Variants in ALX3 observed in about 807,000 individuals in gnomAD.
The protein encoded by ALX3 is homeobox protein aristaless-like 3.
ALX3 carries 17 observed loss-of-function variants against 26.3 expected under a neutral mutation model. That is an observed-to-expected ratio of 0.65 (90% CI 0.44 to 0.97). ALX3 has a LOEUF of 0.97. Among genes scored for constraint, ALX3 ranks in the 50% least tolerant of loss-of-function variants. The probability of loss-of-function intolerance (pLI) is 0.00; values close to 1 mark genes in which losing one functional copy is unlikely to be tolerated. For synonymous variants in ALX3, 208 were observed against 201.4 expected, an observed-to-expected ratio of 1.03 and a Z score of -0.28; for missense variants, 461 against 466.5, an observed-to-expected ratio of 0.99 and a Z score of 0.11.
At chr1:110,067,188 A>G (rs1479514651) in intron 1 of ALX3, among the ~76,000 whole-genome samples, 1 of 152,206 alleles carries the variant, frequency 6.6e-6, no homozygotes, top group Non-Finnish European at 1.5e-5. Flanking sequence ...GGACAAATGG[A>G]AGGCAGAAGC....
Position 110,070,476 on chromosome 1 carries a change from G to T in ALX3, c.137C>A (p.Pro46Gln). Reference sequence around the variant, plus strand: ...GCAGGCCGGAAAGCGGGTCAGCCGCGGGCCGCGGGGCGGCGCGGGGTGCAG... The same window carrying T: ...GCAGGCCGGAAAGCGGGTCAGCCGCTGGCCGCGGGGCGGCGCGGGGTGCAG... ...PHLHPAPPRG[P>Q]RLTRFPACGP... Residue 46 changes from proline to glutamine, a missense_variant, in exon 1 of 4, where the codon CCG becomes CAG. Physicochemically the swap from Pro to Gln is moderately conservative, Grantham distance 76 (BLOSUM62 -1). This residue lies in a region of ALX3 where 241 missense variants were observed against 206.1 expected (regional missense o/e 1.17). Transcript: ENST00000647563. The T allele has an allele frequency of 8.7e-6, 11 of 1,258,906 alleles. No homozygotes were observed. The highest frequency in any genetic ancestry group is 1.0e-5 in the Non-Finnish European group (10 of 1,002,172). 78.0% of individuals were successfully genotyped at this position (1,258,906 alleles called of 1,614,324 possible).
At chr1:110,067,757 C>T (rs972104696) in intron 1 of ALX3, among the ~76,000 whole-genome samples, 2 of 152,242 alleles carry the variant, frequency 1.3e-5, no homozygotes, top group African/African-American at 4.8e-5. Flanking sequence ...GAGGCCCAGG[C>T]TCCTGCAGCT....
rs1332023787 is a variant in ALX3 at position 110,060,932 on chromosome 1, T to G, written c.833A>C (p.His278Pro). 3 of 1,612,960 alleles carry G rather than the reference T, an allele frequency of 1.9e-6. No homozygotes were observed. Among genetic ancestry groups the G allele is most frequent in the Non-Finnish European group, 2.5e-6 (3 of 1,179,676 alleles). ...CCCCATGAAGCCAGCCACACTCCCA[T>G]GGGGGTGGGAATATGGAGACATGCA... is the stretch of plus-strand genomic sequence containing the variant. ...SPCMSPYSHP[H>P]GSVAGFMGVP... The change falls in exon 4 of 4, where the codon CAT becomes CCT. Residue 278 changes from histidine (H) to proline (P), a missense_variant. Physicochemically the swap from His to Pro is moderately conservative, Grantham distance 77. This residue lies in a region of ALX3 where 169 missense variants were observed against 178.0 expected (regional missense o/e 0.95). Coordinates refer to ENST00000647563, the MANE Select transcript of ALX3 (RefSeq NM_006492.3).
At chr1:110,062,649 T>TCACAACAGAAGA (rs1653683321) in intron 2 of ALX3, 1 of 67,148 alleles carries the variant, frequency 1.5e-5, no homozygotes, top group African/African-American at 8.1e-5. Flanking sequence ...GTGTGTGGAG[T>TCACAACAGAAGA]AATCCGTCTA....
At chr1:110,067,506 C>A (rs910541907) in intron 1 of ALX3, among the ~76,000 whole-genome samples, 3 of 152,182 alleles carry the variant, frequency 2.0e-5, no homozygotes, top group Non-Finnish European at 4.4e-5. Context: ...TCAGGCCTGC[C>A]GTACCCTGAG....
chr1:110,062,463 A>G (rs1009925879), intron 2 of ALX3: 1 of 152,256 alleles, frequency 6.6e-6, no homozygotes, highest in African/African-American at 2.4e-5. Flanking sequence ...ATTGGTATAT[A>G]TGTTTTGTAT....
At chr1:110,063,794 A>G (rs1653712223) in intron 2 of ALX3, among the ~76,000 whole-genome samples, 1 of 151,690 alleles carries the variant, frequency 6.6e-6, no homozygotes, top group African/African-American at 2.4e-5. Flanking sequence ...CCAGACTCTT[A>G]CTGAAACTCC....
At chr1:110,061,950 C>T (rs1267122979) in intron 2 of ALX3, 5 of 236,772 alleles carry the variant, frequency 2.1e-5, no homozygotes, top group African/African-American at 4.5e-5. Context: ...CTTTTCCAGG[C>T]TACCCACCTC....
chr1:110,066,118 T>TG (rs1653774872), intron 1 of ALX3, among the ~76,000 whole-genome samples: 1 of 152,052 alleles, frequency 6.6e-6, no homozygotes, highest in Non-Finnish European at 1.5e-5. Context: ...ACAGCTGTGG[T>TG]TGGGGGAGGA....
At chr1:110,061,379 C>G in intron 3 of ALX3, 56 bp downstream of exon 3, 1 of 1,613,976 alleles carries the variant, frequency 6.2e-7, no homozygotes, top group Non-Finnish European at 8.5e-7. Flanking sequence ...GGCCAGACCT[C>G]ATATTCTTTT....
At position 110,060,790 on chromosome 1, in the gene ALX3, G is replaced by A. The variant is rs771690383; in HGVS notation, c.975C>T (p.Leu325=). 128 of 1,613,378 alleles carry A rather than the reference G, an allele frequency of 7.9e-5. No individual in the cohort carries two copies. In the East Asian group the frequency reaches 1.4e-3, roughly 18 times the overall value. The change falls in exon 4 of 4, where the codon CTC becomes CTT. Residue 325 remains leucine, a synonymous_variant. Coordinates refer to ENST00000647563, the MANE Select transcript of ALX3 (RefSeq NM_006492.3). ...CCTTGGGCTTTACCCTGAGCGAGAC[G>A]AGGCTTGGAGACTTATAGTCACCAT... ...SSDGDYKSPS[L]VSLRVKPKEP...
At chr1:110,061,614 AAGG>A in intron 2 of ALX3, 51 bp from the exon 3 acceptor site, 2 of 1,611,344 alleles carry the variant, frequency 1.2e-6, no homozygotes, top group Non-Finnish European at 1.7e-6. Flanking sequence ...GCCCTGAGGA[AAGG>A]AGCCTGCTAG....
intron 1 of ALX3, among the ~76,000 whole-genome samples, chr1:110,067,439 G>A (rs1475010201): frequency 6.6e-6 from 1 of 152,196 alleles, no homozygotes; most frequent in African/African-American, 2.4e-5. Context: ...GCTGTTGGGC[G>A]TGAAAGCCAG....
rs1322920301 is a variant in ALX3 at position 110,060,881 on chromosome 1, G to A, written c.884C>T (p.Pro295Leu). 1 of 1,613,836 alleles carries A rather than the reference G, an allele frequency of 6.2e-7. No homozygotes were observed. The highest frequency in any genetic ancestry group is 1.3e-5 in the African/African-American group (1 of 74,918). ...AAAGCCATGGATGGAGTAGATGCCA[G>A]GGTGAGCCGCAGAAGGGGCTGGCAC... ...MGVPAPSAAHPGIYSIHGFPP... is the reference protein window; with the variant it reads ...MGVPAPSAAHLGIYSIHGFPP... The change falls in exon 4 of 4, where the codon CCT (proline) becomes CTT (leucine). Residue 295 changes from proline (P) to leucine (L), a missense_variant. Transcript: ENST00000647563.
chr1:110,062,842 T>C (rs1472996312), intron 2 of ALX3, among the ~76,000 whole-genome samples: 7 of 152,166 alleles, frequency 4.6e-5, no homozygotes, highest in Admixed American at 4.6e-4. Context: ...TGCCTGGATT[T>C]CCTTTCTCTG....
intron 1 of ALX3, among the ~76,000 whole-genome samples, chr1:110,068,192 C>A (rs1017777920): frequency 2.0e-5 from 3 of 152,206 alleles, no homozygotes; most frequent in Non-Finnish European, 4.4e-5. Flanking sequence ...TGCCCAGCCT[C>A]GTGAAAGATC....
Position 110,064,542 on chromosome 1 carries a change from T to C in ALX3, c.594+45A>G, listed in dbSNP as rs534974486. 1.3e-5 allele frequency: 21 copies of C among 1,607,708 alleles called. No homozygotes were observed. In the African/African-American group the frequency reaches 2.7e-4, roughly 20 times the overall value. ...CTTCCAGATCACTTTCTGGTCACTG[T>C]GTGATAGGGGCAGCCAGAGAGCCCC... is the stretch of plus-strand genomic sequence containing the variant. On this transcript the variant is annotated intron_variant, in intron 2 of 3. Transcript: ENST00000647563.
At chr1:110,064,989 C>A (rs890120496) in intron 1 of ALX3, 86 bp from the exon 2 acceptor site, 2 of 1,312,308 alleles carry the variant, frequency 1.5e-6, no homozygotes, top group African/African-American at 3.0e-5. Flanking sequence ...AGAACATTGA[C>A]GCCTCAGTCT....
At chr1:110,067,817 C>T (rs1190034430) in intron 1 of ALX3, among the ~76,000 whole-genome samples, 1 of 152,232 alleles carries the variant, frequency 6.6e-6, no homozygotes, top group Non-Finnish European at 1.5e-5. Context: ...TGGGCAGGAC[C>T]CCGGTGAGGC....
Sources: gnomAD v4.1 joint callset for allele counts (sites outside exome capture counted in the v4.1 genomes callset) on GRCh38, gnomAD v4.1.1 for gene constraint, gnomAD v4.1.1 regional missense constraint, MANE v1.5 for transcripts, NCBI Gene and HGNC (gene_info 2026-07-23, HGNC 2026-07-21) for gene names.